AFF2: variants seen among roughly 807,000 people sequenced by gnomAD.
AFF2 encodes the protein AF4/FMR2 family member 2.
In AFF2, 14 loss-of-function variants were observed where a neutral mutation model predicts 76.9. The observed-to-expected ratio is 0.18, with a 90% CI of 0.12 to 0.28. The LOEUF (loss-of-function observed/expected upper bound fraction) is 0.28, where lower values mean the gene tolerates loss of function less well. Ranked by LOEUF, AFF2 falls within the 10% of genes least tolerant of loss-of-function variation. AFF2 has a pLI of 1.00. For missense variants in AFF2, 868 were observed against 1,001.1 expected (o/e 0.87, Z 1.79); for synonymous variants, 398 against 366.7 (o/e 1.09, Z -0.98).
In AFF2 at chrX:148,941,381, A is replaced by G. The variant is rs2071832184; in HGVS notation, c.1398-12199A>G. Among the ~76,000 whole-genome samples, 3 of 111,936 alleles carry G rather than the reference A, an allele frequency of 2.7e-5. No homozygotes were observed. The South Asian group carries it at 1.1e-3, about 42-fold the overall frequency. On this transcript the variant is annotated intron_variant, in intron 9 of 20. Coordinates refer to ENST00000370460, the MANE Select transcript of AFF2 (RefSeq NM_002025.4). ...AATTATGCCACTGGAAAAATCATCA[A>G]CTAGAGAGGGAGTTGATAACAGGCA...
rs139711333 is a variant in AFF2 at position 148,886,144 on chromosome X, G to A, written c.1359+159G>A. 9.5e-3 allele frequency among the ~76,000 whole-genome samples: 1,060 copies of A among 111,673 alleles called. 9 individuals are homozygous for A. Among genetic ancestry groups the A allele is most frequent in the Middle Eastern group, 0.028 (6 of 218 alleles). Reference sequence around the variant, plus strand: ...AGATGAGCATAGTGTTCTGGAACAGGTCAAATCAGTTCAAACTTTCATTAA... The same window carrying A: ...AGATGAGCATAGTGTTCTGGAACAGATCAAATCAGTTCAAACTTTCATTAA... On this transcript the variant is annotated intron_variant, in intron 8 of 20. Transcript: ENST00000370460.
At chrX:148,740,368 T>A (rs1240431977) in intron 3 of AFF2, among the ~76,000 whole-genome samples, 1 of 111,871 alleles carries the variant, frequency 8.9e-6, no homozygotes, top group Non-Finnish European at 1.9e-5. Flanking sequence ...TTCTTTGTCT[T>A]TGTTGGATTG....
intron 9 of AFF2, among the ~76,000 whole-genome samples, chrX:148,925,499 A>T (rs1362921444): frequency 1.8e-5 from 2 of 112,492 alleles, no homozygotes; most frequent in African/African-American, 3.2e-5. Flanking sequence ...TGTTCCAAAC[A>T]GTTACTTCCA....
At chrX:148,588,579 T>A (rs1329712990) in intron 1 of AFF2, among the ~76,000 whole-genome samples, 2 of 112,711 alleles carry the variant, frequency 1.8e-5, no homozygotes, top group African/African-American at 6.4e-5. Flanking sequence ...TTCACATTTT[T>A]AAAAAAATCA....
At position 148,705,498 on chromosome X, in the gene AFF2, A is replaced by T. The variant is rs2054872635; in HGVS notation, c.1041+42730A>T. ...CTGTGCCACAGGAGTTTCACTGAGG[A>T]CTGTGTGCCACAGTTAAAGGCACCA... On this transcript the variant is annotated intron_variant, in intron 3 of 20. Coordinates refer to ENST00000370460, the MANE Select transcript of AFF2 (RefSeq NM_002025.4). Among the ~76,000 whole-genome samples the T allele has an allele frequency of 2.7e-5, 3 of 112,038 alleles. No individual in the cohort carries two copies. The South Asian group carries it at 1.1e-3, about 41-fold the overall frequency.
rs181811239 is a variant in AFF2 at position 148,543,159 on chromosome X, T to C, written c.47+42015T>C. ...CAGCATCGACCTCTCTTGGTATAAC[T>C]TGTTGGAAATGCCCAATGTCAGGTG... On this transcript the variant is annotated intron_variant, in intron 1 of 20. Transcript: ENST00000370460. Among the ~76,000 whole-genome samples the C allele has an allele frequency of 9.5e-3, 1,056 of 111,365 alleles. 16 individuals carry two copies. The highest frequency in any genetic ancestry group is 0.033 in the African/African-American group (995 of 30,593).
intron 3 of AFF2, among the ~76,000 whole-genome samples, chrX:148,713,817 G>T (rs1465302188): frequency 1.8e-5 from 2 of 111,714 alleles, no homozygotes; most frequent in African/African-American, 6.5e-5. Flanking sequence ...GGGGACATTT[G>T]CAGTCTTAAG....
At chrX:148,765,855 TCCC>T (rs1279271518) in intron 3 of AFF2, among the ~76,000 whole-genome samples, 2 of 36,054 alleles carry the variant, frequency 5.5e-5, no homozygotes, top group Non-Finnish European at 9.2e-5. Flanking sequence ...CCCTCCCCCC[TCCC>T]CCCACCCCAC....
At chrX:148,596,824 C>T in intron 1 of AFF2, among the ~76,000 whole-genome samples, 1 of 112,317 alleles carries the variant, frequency 8.9e-6, no homozygotes, top group South Asian at 3.7e-4. Context: ...TTTTGTATTG[C>T]TCTAGGATAA....
chrX:148,754,010 C>G lies in AFF2; in HGVS notation c.1042-55866C>G, dbSNP rs185684823. The stretch of plus-strand genomic sequence containing the variant: ...GCAAATTCTTTTGCACTTGAGGGAG[C>G]AAGGCGGTAAGTGGGGGTTTGATCA... On this transcript the variant is annotated intron_variant, in intron 3 of 20. Coordinates refer to ENST00000370460, the MANE Select transcript of AFF2 (RefSeq NM_002025.4). Among the ~76,000 whole-genome samples the G allele has an allele frequency of 2.9e-3, 324 of 111,209 alleles. 1 individual carries two copies. Among genetic ancestry groups the G allele is most frequent in the African/African-American group, 1.0e-2 (306 of 30,601 alleles).
At chrX:148,956,781 G>A (rs2072046890) in intron 11 of AFF2, among the ~76,000 whole-genome samples, 168 bp downstream of exon 11, 1 of 112,645 alleles carries the variant, frequency 8.9e-6, no homozygotes, top group South Asian at 3.7e-4. Flanking sequence ...GACCAGAGAG[G>A]AAAAACTAGA....
At chrX:148,953,557 G>T in intron 9 of AFF2, 23 bp from the exon 10 acceptor site, 1 of 1,195,659 alleles carries the variant, frequency 8.4e-7, no homozygotes. Flanking sequence ...ATGAGGCAAT[G>T]AATTATGTTG....
At chrX:148,832,703 A>C (rs1232295172) in intron 4 of AFF2, among the ~76,000 whole-genome samples, 4 of 112,189 alleles carry the variant, frequency 3.6e-5, no homozygotes, top group African/African-American at 1.3e-4. Context: ...GTAGAATCAG[A>C]GATGAACGGT....
chrX:148,649,368 A>C (rs2054180728), intron 1 of AFF2, among the ~76,000 whole-genome samples: 2 of 112,137 alleles, frequency 1.8e-5, no homozygotes, highest in Admixed American at 1.9e-4. Context: ...GTAGTTCATT[A>C]CTCATTAGAC....
intron 7 of AFF2, among the ~76,000 whole-genome samples, chrX:148,854,026 G>A (rs782098947): frequency 4.7e-4 from 53 of 112,005 alleles, no homozygotes; most frequent in South Asian, 2.3e-3. Context: ...ATGCTTTTAT[G>A]CAGCGCTTTA....
At chrX:148,750,217 G>A (rs2055480571) in intron 3 of AFF2, among the ~76,000 whole-genome samples, 1 of 110,671 alleles carries the variant, frequency 9.0e-6, no homozygotes, top group African/African-American at 3.3e-5. Context: ...TGATTTGCCT[G>A]CCTCGGCCTC....
chrX:148,759,105 T>C (rs1448930127), intron 3 of AFF2, among the ~76,000 whole-genome samples: 2 of 111,841 alleles, frequency 1.8e-5, no homozygotes, highest in East Asian at 5.7e-4. Flanking sequence ...CCAACAACAG[T>C]CCTGAATTTT....
chrX:148,798,258 T>C (rs1368373141), intron 3 of AFF2, among the ~76,000 whole-genome samples: 1 of 111,620 alleles, frequency 9.0e-6, no homozygotes, highest in Non-Finnish European at 1.9e-5. Flanking sequence ...ATAATGACAT[T>C]AATTTATTCA....
At chrX:148,895,030 G>C (rs782362644) in intron 8 of AFF2, among the ~76,000 whole-genome samples, 1 of 111,322 alleles carries the variant, frequency 9.0e-6, no homozygotes, top group African/African-American at 3.3e-5. Flanking sequence ...CTGCAGTCCG[G>C]ATTCATGCCC....
Sources: gnomAD v4.1 joint callset for allele counts (sites outside exome capture counted in the v4.1 genomes callset) on GRCh38, gnomAD v4.1.1 for gene constraint, MANE v1.5 for transcripts, NCBI Gene and HGNC (gene_info 2026-07-23, HGNC 2026-07-21) for gene names.